The following LMBR1 variants were observed in gnomAD, a reference collection of about 807,000 sequenced individuals.
The protein encoded by LMBR1 is limb region 1 protein homolog.
A neutral mutation model predicts 73.9 loss-of-function variants in LMBR1; 52 were observed. The ratio of observed to expected loss-of-function variants is 0.70; its 90% CI spans 0.56 to 0.89. LMBR1 has a LOEUF of 0.89. Ranked by LOEUF, LMBR1 falls within the 40% of genes least tolerant of loss-of-function variation. LMBR1 has a pLI of 0.00. For synonymous variants in LMBR1, 215 were observed against 209.4 expected, an observed-to-expected ratio of 1.03 and a Z score of -0.23; for missense variants, 539 against 579.8, an observed-to-expected ratio of 0.93 and a Z score of 0.72.
chr7:156,778,376 T>A (rs1257954393), intron 5 of LMBR1, among the ~76,000 whole-genome samples: 2 of 152,242 alleles, frequency 1.3e-5, no homozygotes, highest in African/African-American at 4.8e-5. Context: ...AAGAAAGAGC[T>A]GTTATTCTGA....
rs947438300 is a variant in LMBR1, at chr7:156,685,771, G to C, written c.1388-1608C>G. On this transcript the variant is annotated intron_variant, in intron 16 of 16. Coordinates refer to ENST00000353442, the MANE Select transcript of LMBR1 (RefSeq NM_022458.4). The surrounding 1 kb of genome is among the most constrained non-coding windows in gnomAD (Gnocchi z 4.1). ...AGCACTTCCACAGGGCAGATGTTGAGAAAATACTTTTCACGAAGCTCAGAC... is the reference window on the plus strand; with the variant it reads ...AGCACTTCCACAGGGCAGATGTTGACAAAATACTTTTCACGAAGCTCAGAC... Among the ~76,000 whole-genome samples the C allele has an allele frequency of 1.3e-5, 2 of 152,206 alleles. No homozygotes were observed. Among genetic ancestry groups the C allele is most frequent in the African/African-American group, 4.8e-5 (2 of 41,454 alleles).
chr7:156,722,464 T>G (rs1452128270), intron 15 of LMBR1, among the ~76,000 whole-genome samples: 9 of 152,212 alleles, frequency 5.9e-5, no homozygotes, highest in Non-Finnish European at 1.5e-5. Context: ...CCCATAATGC[T>G]AAAATAAAGC....
chr7:156,892,182 A>G (rs1442301761), intron 1 of LMBR1, among the ~76,000 whole-genome samples: 5 of 152,226 alleles, frequency 3.3e-5, no homozygotes, highest in Non-Finnish European at 4.4e-5. Flanking sequence ...CTTCCCTAAG[A>G]AGTTGCTTCC....
At chr7:156,751,955 T>A (rs558806979) in intron 9 of LMBR1, among the ~76,000 whole-genome samples, 1 of 152,154 alleles carries the variant, frequency 6.6e-6, no homozygotes, top group Non-Finnish European at 1.5e-5. Context: ...TTTAAAGCCA[T>A]GAAACCAGAT....
At chr7:156,718,292 T>G (rs777604277) in intron 15 of LMBR1, among the ~76,000 whole-genome samples, 2 of 151,022 alleles carry the variant, frequency 1.3e-5, no homozygotes, top group Non-Finnish European at 2.9e-5. Flanking sequence ...CCCAGGTACT[T>G]GCGAGGCTGA....
At chr7:156,816,952 C>G (rs941932418) in intron 4 of LMBR1, among the ~76,000 whole-genome samples, 1 of 152,076 alleles carries the variant, frequency 6.6e-6, no homozygotes, top group Non-Finnish European at 1.5e-5. Flanking sequence ...TCAAATCGCT[C>G]TGCTTTAGAA....
chr7:156,833,704 T>G, intron 3 of LMBR1, 49 bp downstream of exon 3: 1 of 1,388,682 alleles, frequency 7.2e-7, no homozygotes, highest in Non-Finnish European at 1.0e-6. Context: ...TTTTGAGAAT[T>G]GATGACTTCA....
chr7:156,809,257 T>A (rs886646598), intron 4 of LMBR1, among the ~76,000 whole-genome samples: 6 of 152,240 alleles, frequency 3.9e-5, no homozygotes, highest in African/African-American at 1.4e-4. Context: ...TGAATTTTTA[T>A]CTTTTGTGTA....
intron 15 of LMBR1, among the ~76,000 whole-genome samples, chr7:156,710,375 C>T (rs921799156): frequency 6.6e-6 from 1 of 151,868 alleles, no homozygotes; most frequent in South Asian, 2.1e-4. Context: ...AGAGAAATAC[C>T]AAATGCACTG....
intron 5 of LMBR1, among the ~76,000 whole-genome samples, chr7:156,791,845 T>C (rs891137634): frequency 1.3e-5 from 2 of 152,210 alleles, no homozygotes; most frequent in African/African-American, 2.4e-5. Flanking sequence ...TTTTATGCTA[T>C]GACTTCAAAT....
chr7:156,774,003 C>T (rs1251047731), intron 5 of LMBR1, among the ~76,000 whole-genome samples: 2 of 123,600 alleles, frequency 1.6e-5, no homozygotes, highest in Non-Finnish European at 3.3e-5. Flanking sequence ...CTATAAGGAA[C>T]TTAAACACAT....
At chr7:156,701,359 T>G (rs1450428821) in intron 15 of LMBR1, among the ~76,000 whole-genome samples, 1 of 152,186 alleles carries the variant, frequency 6.6e-6, no homozygotes, top group South Asian at 2.1e-4. Context: ...AGAGTACTAT[T>G]CAACAATAAA....
chr7:156,763,135 A>G lies in LMBR1; in HGVS notation c.592T>C (p.Ser198Pro). 7.1e-7 allele frequency: 1 copy of G among 1,408,536 alleles called. No homozygotes were observed. Among genetic ancestry groups the G allele is most frequent in the Non-Finnish European group, 9.9e-7 (1 of 1,013,082 alleles). 87.3% of individuals were successfully genotyped at this position (1,408,536 alleles called of 1,614,324 possible). The change falls in exon 7 of 17, where the codon TCA (serine) becomes CCA (proline). Residue 198 changes from serine to proline, a missense_variant. By Grantham distance (74) the Ser-to-Pro change is moderately conservative. This residue lies in a region of LMBR1 where 454 missense variants were observed against 473.4 expected (regional missense o/e 0.96). Transcript: ENST00000353442. ...FYLPYLYSCISLMGCLLLLLC... is the reference protein window; with the variant it reads ...FYLPYLYSCIPLMGCLLLLLC... Reference sequence around the variant, plus strand: ...AGAAGTAACAAACATCCCATCAATGATATACAGGAATATAAATAGGGTAGA... The same window carrying G: ...AGAAGTAACAAACATCCCATCAATGGTATACAGGAATATAAATAGGGTAGA...
rs143955213 is a variant in LMBR1 at position 156,851,362 on chromosome 7, T to C, written c.67-14477A>G. 3.8e-3 allele frequency among the ~76,000 whole-genome samples: 582 copies of C among 152,310 alleles called. 4 individuals carry two copies. The highest frequency in any genetic ancestry group is 0.013 in the African/African-American group (558 of 41,570). On this transcript the variant is annotated intron_variant, in intron 1 of 16. Coordinates refer to ENST00000353442, the MANE Select transcript of LMBR1 (RefSeq NM_022458.4). The stretch of plus-strand genomic sequence containing the variant: ...CTGTGTCTTTCAACTTGTGCTTCAA[T>C]AAAGGCAAAGCAATGCTTCCTCACA...
At chr7:156,824,922 C>T (rs556277676) in intron 4 of LMBR1, among the ~76,000 whole-genome samples, 8 of 151,710 alleles carry the variant, frequency 5.3e-5, no homozygotes, top group Admixed American at 2.6e-4. Flanking sequence ...TTAACTGTAA[C>T]GCTACCACAC....
intron 1 of LMBR1, among the ~76,000 whole-genome samples, chr7:156,840,331 TCTCA>T (rs773034889): frequency 2.0e-5 from 3 of 152,082 alleles, no homozygotes; most frequent in Non-Finnish European, 4.4e-5. Flanking sequence ...TGGGGGCATG[TCTCA>T]CTAATAAGGT....
chr7:156,741,417 C>T (rs1818869272), intron 9 of LMBR1, among the ~76,000 whole-genome samples: 1 of 151,996 alleles, frequency 6.6e-6, no homozygotes, highest in African/African-American at 2.4e-5. Flanking sequence ...ATACACGTTA[C>T]CTATACAGAT....
At chr7:156,782,347 TG>T (rs1319932806) in intron 5 of LMBR1, among the ~76,000 whole-genome samples, 1 of 152,238 alleles carries the variant, frequency 6.6e-6, no homozygotes, top group Non-Finnish European at 1.5e-5. Flanking sequence ...GTGGAATTGC[TG>T]GATCAGATGG....
At chr7:156,805,286 G>A (rs192986635) in intron 4 of LMBR1, among the ~76,000 whole-genome samples, 14 of 146,608 alleles carry the variant, frequency 9.5e-5, no homozygotes, top group Admixed American at 8.5e-4. Flanking sequence ...GGCACGTCTC[G>A]GCTCACTGCA....
Sources: allele counts gnomAD v4.1 joint callset (sites outside exome capture counted in the v4.1 genomes callset), GRCh38; gene constraint gnomAD v4.1.1; regional missense constraint gnomAD v4.1.1; non-coding constraint Gnocchi (gnomAD v3.1); transcripts MANE v1.5; gene names NCBI Gene and HGNC (gene_info 2026-07-23, HGNC 2026-07-21).